The following CTNNA2 variants were observed in gnomAD, a reference collection of about 807,000 sequenced individuals.
The protein encoded by CTNNA2 is catenin alpha 2.
CTNNA2 carries 42 observed loss-of-function variants against 101.0 expected under a neutral mutation model. That is an observed-to-expected ratio of 0.42 (90% CI 0.32 to 0.54). The LOEUF is 0.54. Among genes scored for constraint, CTNNA2 ranks in the 20% least tolerant of loss-of-function variants. The pLI, the probability that CTNNA2 is intolerant of heterozygous loss-of-function variation, is 0.14. For missense variants in CTNNA2, 871 were observed against 1,223.1 expected (o/e 0.71, Z 4.29); for synonymous variants, 450 against 456.4 (o/e 0.99, Z 0.18).
chr2:80,115,427 A>C (rs1701457240), intron 7 of CTNNA2, among the ~76,000 whole-genome samples: 1 of 152,256 alleles, frequency 6.6e-6, no homozygotes, highest in Non-Finnish European at 1.5e-5. Flanking sequence ...GGAGGTAGAC[A>C]GTACACTCCA....
At position 79,533,900 on chromosome 2, in the gene CTNNA2, A is replaced by C. The variant is rs1266700035; in HGVS notation, c.-6+20693A>C. On this transcript the variant is annotated intron_variant, in intron 1 of 18. Transcript: ENST00000402739. ...TAATTTGGCACAAAATCTCTCTACC[A>C]ATCTGCCCTCTCCTGCTCGGCCTTG... Among the ~76,000 whole-genome samples the C allele has an allele frequency of 2.6e-5, 4 of 152,120 alleles. 1 individual carries two copies. The South Asian group carries it at 8.3e-4, about 32-fold the overall frequency.
At chr2:79,198,178 G>A (rs1673987537) in intron 2 of CTNNA2, 1 of 152,154 alleles carries the variant, frequency 6.6e-6, no homozygotes, top group African/African-American at 2.4e-5. Flanking sequence ...GTACAAAAAT[G>A]TTCATACAAA....
chr2:79,467,420 C>A (rs906088455), intron 4 of CTNNA2, among the ~76,000 whole-genome samples: 4 of 152,102 alleles, frequency 2.6e-5, no homozygotes, highest in African/African-American at 9.7e-5. Context: ...CTGAAAGTGA[C>A]GGGGAGAATG....
At chr2:79,701,057 T>C (rs933991715) in intron 2 of CTNNA2, among the ~76,000 whole-genome samples, 6 of 152,154 alleles carry the variant, frequency 3.9e-5, no homozygotes, top group Non-Finnish European at 8.8e-5. Context: ...GTTCCCACTT[T>C]TAGTTTTTAG....
intron 4 of CTNNA2, among the ~76,000 whole-genome samples, chr2:79,411,632 A>G (rs1432018937): frequency 6.6e-6 from 1 of 152,106 alleles, no homozygotes; most frequent in Non-Finnish European, 1.5e-5. Flanking sequence ...AGAATTTCAC[A>G]TCCAGCCAAA....
At chr2:80,276,479 G>A (rs997184317) in intron 7 of CTNNA2, among the ~76,000 whole-genome samples, 3 of 152,136 alleles carry the variant, frequency 2.0e-5, no homozygotes, top group Admixed American at 2.0e-4. Context: ...TGAGGCTGGG[G>A]AATATATAAA....
intron 9 of CTNNA2, among the ~76,000 whole-genome samples, chr2:80,437,544 T>TG (rs2149436346): frequency 6.6e-6 from 1 of 152,334 alleles, no homozygotes; most frequent in African/African-American, 2.4e-5. Flanking sequence ...AATCCAGAAA[T>TG]GCATAATTAC....
intron 9 of CTNNA2, among the ~76,000 whole-genome samples, chr2:80,505,284 C>T (rs1261215282): frequency 6.6e-6 from 1 of 152,184 alleles, no homozygotes; most frequent in Non-Finnish European, 1.5e-5. Flanking sequence ...TTACGTAAAG[C>T]TCCCACCCCA....
At chr2:80,051,703 C>G (rs114831785) in intron 7 of CTNNA2, among the ~76,000 whole-genome samples, 65 of 152,098 alleles carry the variant, frequency 4.3e-4, no homozygotes, top group Admixed American at 7.2e-4. Flanking sequence ...TTTTCCCCCC[C>G]ACAGAGGCCA....
intron 3 of CTNNA2, chr2:79,319,688 C>A (rs956180304): frequency 7.2e-5 from 11 of 152,140 alleles, no homozygotes; most frequent in African/African-American, 2.7e-4. Flanking sequence ...TACATAACAA[C>A]CCTATCCTCC....
chr2:79,550,926 T>C (rs1454912157), intron 1 of CTNNA2, among the ~76,000 whole-genome samples: 1 of 152,220 alleles, frequency 6.6e-6, no homozygotes, highest in Non-Finnish European at 1.5e-5. Flanking sequence ...ACAGGGAATA[T>C]TAACCACAGG....
intron 9 of CTNNA2, among the ~76,000 whole-genome samples, chr2:80,448,715 A>G (rs1048502694): frequency 2.6e-5 from 4 of 152,216 alleles, no homozygotes; most frequent in East Asian, 1.9e-4. Flanking sequence ...GATTTTTTAC[A>G]GGGTTATGCT....
At chr2:80,407,064 C>T (rs1271045139) in intron 8 of CTNNA2, among the ~76,000 whole-genome samples, 1 of 152,114 alleles carries the variant, frequency 6.6e-6, no homozygotes, top group Non-Finnish European at 1.5e-5. Context: ...CAACTAGATA[C>T]AACTTCTACT....
chr2:80,233,890 T>C (rs911586417), intron 7 of CTNNA2, among the ~76,000 whole-genome samples: 1 of 152,196 alleles, frequency 6.6e-6, no homozygotes, highest in African/African-American at 2.4e-5. Flanking sequence ...TATTAAGTGT[T>C]GTCCTTGTAG....
intron 7 of CTNNA2, among the ~76,000 whole-genome samples, chr2:80,163,928 G>A (rs1453268549): frequency 1.3e-5 from 2 of 150,770 alleles, no homozygotes; most frequent in Non-Finnish European, 3.0e-5. Flanking sequence ...AGCCAATTCT[G>A]CTTTTTTTCA....
chr2:79,427,517 T>A (rs1678605388), intron 4 of CTNNA2, among the ~76,000 whole-genome samples: 1 of 152,098 alleles, frequency 6.6e-6, no homozygotes. Context: ...TTATCTAAAC[T>A]GTATATGAAT....
intron 7 of CTNNA2, among the ~76,000 whole-genome samples, chr2:80,043,251 G>A (rs1159527728): frequency 1.4e-5 from 2 of 139,222 alleles, no homozygotes; most frequent in Non-Finnish European, 3.0e-5. Context: ...AGGCTGGAGT[G>A]CAGTCACGCG....
chr2:80,535,767 T>A (rs1244053315), intron 9 of CTNNA2, among the ~76,000 whole-genome samples: 1 of 152,222 alleles, frequency 6.6e-6, no homozygotes, highest in African/African-American at 2.4e-5. Flanking sequence ...AAATTATCCC[T>A]GCTGTTTAAG....
intron 9 of CTNNA2, among the ~76,000 whole-genome samples, chr2:80,510,356 T>G (rs577588482): frequency 6.6e-6 from 1 of 152,202 alleles, no homozygotes; most frequent in Non-Finnish European, 1.5e-5. Context: ...ATCTTTCATT[T>G]GAAATATACT....
Sources: allele counts gnomAD v4.1 joint callset (sites outside exome capture counted in the v4.1 genomes callset), GRCh38; gene constraint gnomAD v4.1.1; transcripts MANE v1.5; gene names NCBI Gene and HGNC (gene_info 2026-07-23, HGNC 2026-07-21).